DLG2: variants seen among roughly 807,000 people sequenced by gnomAD.
The protein encoded by DLG2 is disks large homolog 2.
A neutral mutation model predicts 132.5 loss-of-function variants in DLG2; 45 were observed. The observed-to-expected ratio is 0.34, with a 90% CI of 0.27 to 0.44. The LOEUF (loss-of-function observed/expected upper bound fraction) is 0.44. DLG2 is among the 20% of genes least tolerant of loss of function. The pLI is 1.00. For synonymous variants in DLG2, 424 were observed against 419.6 expected, an observed-to-expected ratio of 1.01 and a Z score of -0.13; for missense variants, 1,045 against 1,196.9, an observed-to-expected ratio of 0.87 and a Z score of 1.87.
chr11:84,689,223 C>T (rs1043905129), intron 6 of DLG2, among the ~76,000 whole-genome samples: 1 of 152,046 alleles, frequency 6.6e-6, no homozygotes, highest in Admixed American at 6.6e-5. Context: ...CATTTTGTGA[C>T]ATTTACTAGT....
chr11:84,675,025 C>A (rs1595503694), intron 6 of DLG2, among the ~76,000 whole-genome samples: 1 of 152,090 alleles, frequency 6.6e-6, no homozygotes, highest in Non-Finnish European at 1.5e-5. Context: ...GACTCCTATT[C>A]CATAAACCTA....
intron 10 of DLG2, among the ~76,000 whole-genome samples, chr11:84,092,503 C>CT (rs1454517027): frequency 6.6e-6 from 1 of 152,164 alleles, no homozygotes; most frequent in Non-Finnish European, 1.5e-5. Flanking sequence ...AAACCTTGGT[C>CT]TTTGACTCCA....
chr11:83,709,937 C>T (rs903374687), intron 18 of DLG2, among the ~76,000 whole-genome samples: 1 of 152,156 alleles, frequency 6.6e-6, no homozygotes, highest in African/African-American at 2.4e-5. Context: ...TAGCTTTACC[C>T]TCTTGCTGTC....
At chr11:84,302,755 A>G (rs1196481376) in intron 7 of DLG2, among the ~76,000 whole-genome samples, 1 of 152,230 alleles carries the variant, frequency 6.6e-6, no homozygotes, top group Non-Finnish European at 1.5e-5. Context: ...TTAAACTAAA[A>G]GGATTTATGA....
At chr11:84,526,236 T>C (rs1400357758) in intron 7 of DLG2, among the ~76,000 whole-genome samples, 2 of 152,232 alleles carry the variant, frequency 1.3e-5, no homozygotes, top group Admixed American at 6.5e-5. Flanking sequence ...AATAAGTTAA[T>C]GGATTTAACT....
At chr11:85,025,223 A>C (rs1021468065) in intron 6 of DLG2, among the ~76,000 whole-genome samples, 11 of 152,214 alleles carry the variant, frequency 7.2e-5, no homozygotes, top group African/African-American at 2.7e-4. Context: ...ATTTGAGTAC[A>C]TAGGGAATGC....
intron 8 of DLG2, among the ~76,000 whole-genome samples, chr11:84,194,321 T>C (rs916048009): frequency 1.3e-5 from 2 of 152,146 alleles, no homozygotes; most frequent in African/African-American, 4.8e-5. Flanking sequence ...GTTTGTTCCT[T>C]CAGGTGTTCA....
intron 18 of DLG2, among the ~76,000 whole-genome samples, chr11:83,773,464 T>C (rs2094473575): frequency 6.6e-6 from 1 of 152,232 alleles, no homozygotes; most frequent in Non-Finnish European, 1.5e-5. Flanking sequence ...ACGAAATATG[T>C]TTATTTGTTT....
At chr11:85,118,376 C>T (rs2073920657) in intron 5 of DLG2, among the ~76,000 whole-genome samples, 1 of 151,928 alleles carries the variant, frequency 6.6e-6, no homozygotes, top group East Asian at 1.9e-4. Flanking sequence ...AGACATTTGC[C>T]CAGGTTAACA....
At chr11:84,036,840 A>C (rs1240730010) in intron 11 of DLG2, among the ~76,000 whole-genome samples, 1 of 152,144 alleles carries the variant, frequency 6.6e-6, no homozygotes, top group Non-Finnish European at 1.5e-5. Context: ...CAAAGTGCTG[A>C]AGTAAATATT....
At chr11:84,090,183 G>A (rs1696119427) in intron 10 of DLG2, among the ~76,000 whole-genome samples, 1 of 152,090 alleles carries the variant, frequency 6.6e-6, no homozygotes, top group Non-Finnish European at 1.5e-5. Flanking sequence ...GGAGGCCGAG[G>A]CAGGTAGATT....
intron 11 of DLG2, among the ~76,000 whole-genome samples, chr11:84,016,739 T>C (rs778761057): frequency 1.3e-5 from 2 of 152,108 alleles, no homozygotes; most frequent in Non-Finnish European, 2.9e-5. Flanking sequence ...CCTTATAAGA[T>C]AGGTACAATT....
chr11:85,373,841 C>T (rs929497703), intron 3 of DLG2, among the ~76,000 whole-genome samples: 13 of 152,172 alleles, frequency 8.5e-5, no homozygotes, highest in African/African-American at 3.1e-4. Flanking sequence ...AGTCCTGCAA[C>T]ATAATGACTG....
At chr11:84,138,857 G>A (rs1009764520) in intron 9 of DLG2, among the ~76,000 whole-genome samples, 1 of 151,090 alleles carries the variant, frequency 6.6e-6, no homozygotes, top group Non-Finnish European at 1.5e-5. Flanking sequence ...GCTGAGGCAG[G>A]AGAATTGCTT....
Position 85,119,471 on chromosome 11 carries a change from A to C in DLG2, c.283-7736T>G, listed in dbSNP as rs148023560. Among the ~76,000 whole-genome samples, 426 of 152,158 alleles carry C rather than the reference A, an allele frequency of 2.8e-3. 1 individual carries two copies. The highest frequency in any genetic ancestry group is 9.5e-3 in the African/African-American group (394 of 41,548). On this transcript the variant is annotated intron_variant, in intron 5 of 27. Transcript: ENST00000376104. ...TAGTTTTGTGAAATATTTTTAATGT[A>C]ATTAATATTTGCATTCTGTCATTGC... is the stretch of plus-strand genomic sequence containing the variant.
At chr11:84,104,726 T>A (rs1037055077) in intron 9 of DLG2, among the ~76,000 whole-genome samples, 18 of 152,020 alleles carry the variant, frequency 1.2e-4, no homozygotes, top group Non-Finnish European at 2.9e-5. Context: ...TTACTAACTT[T>A]AATTAATAAT....
rs948600435 is a variant in DLG2 at position 83,462,207 on chromosome 11, G to C, written c.2730-114C>G. The C allele has an allele frequency of 1.3e-5, 9 of 704,656 alleles. 1 individual carries two copies. The Admixed American group carries it at 1.4e-4, about 11-fold the overall frequency. 43.7% of individuals were successfully genotyped at this position (704,656 alleles called of 1,614,324 possible). ...AAAACATAGTGTAATCTTAGCAACA[G>C]GTTTTTAGTCTTCATTCAGGACTCC... On this transcript the variant is annotated intron_variant, in intron 26 of 27. Coordinates refer to ENST00000376104, the MANE Select transcript of DLG2 (RefSeq NM_001142699.3).
At chr11:85,240,876 C>G (rs567671457) in intron 4 of DLG2, among the ~76,000 whole-genome samples, 2 of 151,778 alleles carry the variant, frequency 1.3e-5, no homozygotes, top group East Asian at 3.9e-4. Context: ...CCTCTTTACT[C>G]TTTTTCCTAT....
intron 6 of DLG2, among the ~76,000 whole-genome samples, chr11:84,621,525 C>T (rs374451754): frequency 1.3e-5 from 2 of 152,036 alleles, no homozygotes; most frequent in Admixed American, 6.6e-5. Context: ...TTTGTTCACT[C>T]GCTAATTGAA....
Sources: gnomAD v4.1 joint callset for allele counts (sites outside exome capture counted in the v4.1 genomes callset) on GRCh38, gnomAD v4.1.1 for gene constraint, MANE v1.5 for transcripts, NCBI Gene and HGNC (gene_info 2026-07-23, HGNC 2026-07-21) for gene names.